Variants in FAT3 observed in about 807,000 individuals in gnomAD.
FAT3 encodes protocadherin Fat 3.
Under a neutral mutation model 310.2 loss-of-function variants are expected in FAT3, and 95 were observed. The ratio of observed to expected loss-of-function variants is 0.31; its 90% CI spans 0.26 to 0.36. The LOEUF is 0.36. Ranked by LOEUF, FAT3 falls within the 10% of genes least tolerant of loss-of-function variation. FAT3 has a pLI of 1.00. For missense variants in FAT3, 5,408 were observed against 5,715.6 expected, an observed-to-expected ratio of 0.95 and a Z score of 1.74; for synonymous variants, 2,314 against 2,192.9, an observed-to-expected ratio of 1.06 and a Z score of -1.54.
chr11:92,368,617 A>G (rs1430810593), intron 2 of FAT3, among the ~76,000 whole-genome samples: 1 of 152,126 alleles, frequency 6.6e-6, no homozygotes, highest in Non-Finnish European at 1.5e-5. Context: ...TTTTCCACAG[A>G]GTAGCTTCTG....
At chr11:92,389,766 A>G (rs1949706564) in intron 2 of FAT3, among the ~76,000 whole-genome samples, 1 of 152,176 alleles carries the variant, frequency 6.6e-6, no homozygotes, top group Admixed American at 6.5e-5. Flanking sequence ...CGATGATCAC[A>G]TGAGTGTCAG....
At position 92,892,015 on chromosome 11, in the gene FAT3, A is replaced by G. The variant is rs578031596; in HGVS notation, c.*902A>G. The G allele has an allele frequency of 2.5e-4, 36 of 144,744 alleles. No homozygotes were observed. Among genetic ancestry groups the G allele is most frequent in the African/African-American group, 8.0e-4 (33 of 41,250 alleles). 9.0% of individuals were successfully genotyped at this position (144,744 alleles called of 1,614,324 possible). ...AAAACTCACAAATTCAGGGGGGAAA[A>G]AAGAAAAAACGATACCTTCAAAGTT... On this transcript the variant is annotated 3_prime_UTR_variant, in exon 28 of 28. Coordinates refer to ENST00000525166, the MANE Select transcript of FAT3 (RefSeq NM_001367949.2).
chr11:92,756,372 T>C (rs1295840876), intron 4 of FAT3, among the ~76,000 whole-genome samples: 1 of 152,224 alleles, frequency 6.6e-6, no homozygotes, highest in African/African-American at 2.4e-5. Flanking sequence ...AAATAGCTTA[T>C]TGTGCTGAAC....
intron 1 of FAT3, among the ~76,000 whole-genome samples, chr11:92,334,076 C>G (rs1426581839): frequency 6.6e-6 from 1 of 152,124 alleles, no homozygotes; most frequent in Non-Finnish European, 1.5e-5. Context: ...AGAAGGGAGA[C>G]TAATGACTTA....
intron 2 of FAT3, among the ~76,000 whole-genome samples, chr11:92,464,155 G>T (rs1951705021): frequency 6.6e-6 from 1 of 152,126 alleles, no homozygotes; most frequent in African/African-American, 2.4e-5. Flanking sequence ...GGTTGGGAGG[G>T]TCCCTAAAAA....
At chr11:92,575,636 G>C (rs751886399) in intron 3 of FAT3, among the ~76,000 whole-genome samples, 90 of 152,030 alleles carry the variant, frequency 5.9e-4, no homozygotes, top group Non-Finnish European at 1.1e-3. Flanking sequence ...TCATGGATTT[G>C]TCGTTATAAT....
chr11:92,638,852 T>C (rs1484326229), intron 3 of FAT3, among the ~76,000 whole-genome samples: 1 of 152,158 alleles, frequency 6.6e-6, no homozygotes, highest in East Asian at 1.9e-4. Context: ...ATTGGTCTGG[T>C]AGTGATATTA....
At chr11:92,598,906 TC>T (rs1939862504) in intron 3 of FAT3, among the ~76,000 whole-genome samples, 1 of 152,178 alleles carries the variant, frequency 6.6e-6, no homozygotes, top group African/African-American at 2.4e-5. Context: ...TCAGCACAGA[TC>T]CTAGTGCAAA....
At chr11:92,636,722 G>C (rs1429466519) in intron 3 of FAT3, among the ~76,000 whole-genome samples, 1 of 152,224 alleles carries the variant, frequency 6.6e-6, no homozygotes, top group Non-Finnish European at 1.5e-5. Flanking sequence ...TCAGGCTTCA[G>C]AACTCTCTCT....
At position 92,618,118 on chromosome 11, in the gene FAT3, C is replaced by T. The variant is rs960427541; in HGVS notation, c.3608-79266C>T. ...GAAGCAGGCAGGCCTCCATGAGCTG[C>T]GGTGGGCTCCACCCAGTTCGAGCTT... is the stretch of plus-strand genomic sequence containing the variant. On this transcript the variant is annotated intron_variant, in intron 3 of 27. Transcript: ENST00000525166. Among the ~76,000 whole-genome samples, 8 of 152,210 alleles carry T rather than the reference C, an allele frequency of 5.3e-5. No homozygotes were observed. The East Asian group carries it at 5.8e-4, about 11-fold the overall frequency.
intron 2 of FAT3, among the ~76,000 whole-genome samples, chr11:92,517,670 G>T (rs748435031): frequency 2.6e-5 from 4 of 151,938 alleles, no homozygotes; most frequent in African/African-American, 9.7e-5. Context: ...AGAAACTGTC[G>T]TCAGAGTGAA....
intron 2 of FAT3, among the ~76,000 whole-genome samples, chr11:92,505,698 T>C (rs557965288): frequency 2.6e-5 from 4 of 152,252 alleles, no homozygotes; most frequent in African/African-American, 9.6e-5. Flanking sequence ...TTGTTTTGCC[T>C]TACAACTCAT....
intron 1 of FAT3, among the ~76,000 whole-genome samples, chr11:92,282,334 T>C (rs1430452386): frequency 6.6e-6 from 1 of 152,136 alleles, no homozygotes; most frequent in African/African-American, 2.4e-5. Context: ...TATGAGACTT[T>C]AAGGATTTAA....
intron 22 of FAT3, among the ~76,000 whole-genome samples, chr11:92,875,042 GTAT>G (rs1250145952): frequency 1.3e-5 from 2 of 151,782 alleles, no homozygotes; most frequent in Admixed American, 1.3e-4. Context: ...ATTTTTGAAA[GTAT>G]TAATAATAGG....
chr11:92,805,207 T>G lies in FAT3; in HGVS notation c.8951T>G (p.Val2984Gly), dbSNP rs757851497. 2 of 1,613,670 alleles carry G rather than the reference T, an allele frequency of 1.2e-6. No homozygotes were observed. Among genetic ancestry groups the G allele is most frequent in the Non-Finnish European group, 1.7e-6 (2 of 1,179,770 alleles). Reference protein sequence around the residue: ...ALGLVQSEWKVYVKRPLDREE... With the variant: ...ALGLVQSEWKGYVKRPLDREE... Reference sequence around the variant, plus strand: ...GGCCTGGTGCAAAGTGAGTGGAAGGTCTATGTGAAGAGGCCTCTAGACAGA... The same window carrying G: ...GGCCTGGTGCAAAGTGAGTGGAAGGGCTATGTGAAGAGGCCTCTAGACAGA... The change falls in exon 11 of 28, where the codon GTC (valine) becomes GGC (glycine). Residue 2984 changes from valine (V) to glycine (G), a missense_variant. Transcript: ENST00000525166.
intron 2 of FAT3, among the ~76,000 whole-genome samples, chr11:92,385,285 C>G (rs1334339138): frequency 1.3e-5 from 2 of 152,166 alleles, no homozygotes; most frequent in Non-Finnish European, 2.9e-5. Flanking sequence ...AGGAAATGGG[C>G]TGGTGTTTCC....
intron 2 of FAT3, among the ~76,000 whole-genome samples, chr11:92,496,594 G>A (rs1952773185): frequency 6.6e-6 from 1 of 151,962 alleles, no homozygotes; most frequent in Non-Finnish European, 1.5e-5. Context: ...GTTGCTCTAT[G>A]TGCTGCTAGG....
intron 2 of FAT3, among the ~76,000 whole-genome samples, chr11:92,386,111 C>T (rs2134786138): frequency 6.6e-6 from 1 of 152,222 alleles, no homozygotes; most frequent in South Asian, 2.1e-4. Context: ...TGCACTCCAG[C>T]CTATGCTGGA....
chr11:92,868,464 A>C (rs529502125), intron 22 of FAT3, among the ~76,000 whole-genome samples: 1 of 152,222 alleles, frequency 6.6e-6, no homozygotes, highest in East Asian at 1.9e-4. Flanking sequence ...AATGATGGGC[A>C]GTAACTATAC....
Sources: gnomAD v4.1 joint callset for allele counts (sites outside exome capture counted in the v4.1 genomes callset) on GRCh38, gnomAD v4.1.1 for gene constraint, MANE v1.5 for transcripts, NCBI Gene and HGNC (gene_info 2026-07-23, HGNC 2026-07-21) for gene names.